Variants in CLIC5 observed in about 807,000 individuals in gnomAD.
CLIC5 encodes chloride intracellular channel protein 5.
A neutral mutation model predicts 24.7 loss-of-function variants in CLIC5; 20 were observed. The ratio of observed to expected loss-of-function variants is 0.81; its 90% CI spans 0.57 to 1.18. The LOEUF (loss-of-function observed/expected upper bound fraction) is 1.18. CLIC5 is among the 50% of genes most tolerant of loss of function. CLIC5 has a pLI of 0.00. For missense variants in CLIC5, 341 were observed against 326.1 expected, an observed-to-expected ratio of 1.05 and a Z score of -0.35; for synonymous variants, 159 against 135.6, an observed-to-expected ratio of 1.17 and a Z score of -1.20.
the CLIC5 span, among the ~76,000 whole-genome samples, chr6:46,096,141 G>A: frequency 0.02 from 3,104 of 152,216 alleles, 124 homozygotes; most frequent in African/African-American, 0.071. Flanking sequence ...GTAGGGGGAG[G>A]TGCCACACAC....
chr6:45,884,975 T>A (rs1265364527), intron 6 of CLIC5, among the ~76,000 whole-genome samples: 1 of 150,872 alleles, frequency 6.6e-6, no homozygotes, highest in Non-Finnish European at 1.5e-5. Flanking sequence ...ATAGGTTTTT[T>A]AAAAAATCAC....
intron 3 of CLIC5, among the ~76,000 whole-genome samples, chr6:45,948,822 CTGGA>C (rs1448495152): frequency 6.6e-6 from 1 of 152,118 alleles, no homozygotes; most frequent in East Asian, 1.9e-4. Context: ...GTTTAAGACC[CTGGA>C]TGTTGTTTTA....
At chr6:46,101,717 C>T in the CLIC5 span, among the ~76,000 whole-genome samples, 3 of 152,208 alleles carry the variant, frequency 2.0e-5, no homozygotes, top group Admixed American at 6.5e-5. Flanking sequence ...GCAGGAGTGA[C>T]TGCATTTTGG....
At chr6:46,063,512 A>T (rs1049797109) in intron 1 of CLIC5, among the ~76,000 whole-genome samples, 1 of 152,234 alleles carries the variant, frequency 6.6e-6, no homozygotes, top group Non-Finnish European at 1.5e-5. Context: ...TAGAATTTAC[A>T]GATCTAAATA....
At chr6:45,960,410 T>A (rs989840758) in intron 1 of CLIC5, among the ~76,000 whole-genome samples, 4 of 152,210 alleles carry the variant, frequency 2.6e-5, no homozygotes, top group Non-Finnish European at 2.9e-5. Context: ...TAAACATTTC[T>A]CCTTTAAAGT....
At position 46,075,116 on chromosome 6, in the gene CLIC5, A is replaced by C. The variant is rs1762730988; in HGVS notation, c.540+4587T>G. Among the ~76,000 whole-genome samples, 4 of 152,254 alleles carry C rather than the reference A, an allele frequency of 2.6e-5. No homozygotes were observed. The South Asian group carries it at 8.3e-4, about 32-fold the overall frequency. On this transcript the variant is annotated intron_variant, in intron 1 of 5. Transcript: ENST00000185206. ...TGTCAGATACTATATTAAGCAACTTATAAGCATTATCTTATTTAATCTTTA... is the reference window on the plus strand; with the variant it reads ...TGTCAGATACTATATTAAGCAACTTCTAAGCATTATCTTATTTAATCTTTA...
intron 1 of CLIC5, among the ~76,000 whole-genome samples, chr6:46,047,763 C>G (rs902247335): frequency 1.3e-5 from 2 of 152,140 alleles, no homozygotes; most frequent in Admixed American, 6.5e-5. Flanking sequence ...ATTGTGTTAC[C>G]TGTCTTCTCT....
intron 1 of CLIC5, among the ~76,000 whole-genome samples, chr6:46,074,734 C>A (rs113876045): frequency 6.6e-6 from 1 of 152,172 alleles, no homozygotes; most frequent in African/African-American, 2.4e-5. Flanking sequence ...CAGTGTTGAG[C>A]AGTATCTTAG....
At chr6:46,012,674 A>C (rs189085355) in intron 1 of CLIC5, among the ~76,000 whole-genome samples, 1 of 152,342 alleles carries the variant, frequency 6.6e-6, no homozygotes, top group Admixed American at 6.5e-5. Flanking sequence ...TGAGGACTGG[A>C]TCTGAATGCT....
chr6:45,888,736 C>A (rs1329159671), intron 6 of CLIC5, among the ~76,000 whole-genome samples: 2 of 152,034 alleles, frequency 1.3e-5, no homozygotes, highest in Non-Finnish European at 2.9e-5. Flanking sequence ...CACTTTGTTC[C>A]CTTTCTGTAA....
At chr6:45,912,799 G>C (rs1376938294) in intron 5 of CLIC5, 2 of 1,190,328 alleles carry the variant, frequency 1.7e-6, no homozygotes, top group Non-Finnish European at 2.4e-6. Context: ...TAACTTCAAA[G>C]AGACATAGAT....
At chr6:45,976,079 G>T (rs1482142997) in intron 1 of CLIC5, among the ~76,000 whole-genome samples, 1 of 152,152 alleles carries the variant, frequency 6.6e-6, no homozygotes, top group Non-Finnish European at 1.5e-5. Flanking sequence ...ATCACAAAGA[G>T]TGACAGCAAG....
intron 4 of CLIC5, chr6:45,918,982 C>A: frequency 1.0e-6 from 1 of 985,416 alleles, no homozygotes; most frequent in African/African-American, 1.7e-5. Context: ...GGTCCTTAAA[C>A]CATTCAAACT....
intron 1 of CLIC5, among the ~76,000 whole-genome samples, chr6:45,978,279 C>T (rs555541265): frequency 4.5e-4 from 69 of 152,196 alleles, no homozygotes; most frequent in Middle Eastern, 3.4e-3. Flanking sequence ...TTTCCATATC[C>T]GAGAACTTAG....
chr6:45,903,327 T>C (rs1581711825), intron 5 of CLIC5, 72 bp from the exon 6 acceptor site: 1 of 1,429,550 alleles, frequency 7.0e-7, no homozygotes, highest in Non-Finnish European at 9.4e-7. Flanking sequence ...TTAGTGGCCG[T>C]CCCAGTGTGT....
Position 45,914,332 on chromosome 6 carries a change from C to A in CLIC5, c.484G>T (p.Ala162Ser). The A allele has an allele frequency of 1.2e-6, 2 of 1,609,838 alleles. No individual in the cohort carries two copies. The highest frequency in any genetic ancestry group is 1.7e-6 in the Non-Finnish European group (2 of 1,176,992). ...CCCTTGTCTTCCCCACAAGTGTTGGCGTCAATCTCCTCTGGTAGAGGGGTG... is the reference window on the plus strand; with the variant it reads ...CCCTTGTCTTCCCCACAAGTGTTGGAGTCAATCTCCTCTGGTAGAGGGGTG... ...LNTPLPEEID[A>S]NTCGEDKGSR... Residue 162 changes from alanine (A) to serine (S), a missense_variant, in exon 5 of 6, where the codon GCC (alanine) becomes TCC (serine). Coordinates refer to ENST00000339561, the MANE Select transcript of CLIC5 (RefSeq NM_016929.5).
At chr6:46,028,912 T>C (rs374450019) in intron 1 of CLIC5, among the ~76,000 whole-genome samples, 1 of 152,308 alleles carries the variant, frequency 6.6e-6, no homozygotes, top group Admixed American at 6.5e-5. Context: ...TCTATCATTA[T>C]AGTATCCTAT....
At chr6:45,948,585 T>C (rs1764363448) in intron 3 of CLIC5, among the ~76,000 whole-genome samples, 1 of 152,244 alleles carries the variant, frequency 6.6e-6, no homozygotes, top group African/African-American at 2.4e-5. Flanking sequence ...ATTGTTTTAA[T>C]CCTTGATAAT....
intron 1 of CLIC5, among the ~76,000 whole-genome samples, chr6:45,998,977 C>T (rs1766251553): frequency 6.6e-6 from 1 of 152,210 alleles, no homozygotes; most frequent in South Asian, 2.1e-4. Context: ...AGGTCTAAGA[C>T]ATTCACCCTG....
Sources: gnomAD v4.1 joint callset for allele counts (sites outside exome capture counted in the v4.1 genomes callset) on GRCh38, gnomAD v4.1.1 for gene constraint, MANE v1.5 for transcripts, NCBI Gene and HGNC (gene_info 2026-07-23, HGNC 2026-07-21) for gene names.